Variants in UNC5C observed in about 807,000 individuals in gnomAD.
UNC5C encodes the protein netrin receptor UNC5C.
Under a neutral mutation model 99.8 loss-of-function variants are expected in UNC5C, and 47 were observed. The observed-to-expected ratio is 0.47, with a 90% confidence interval of 0.37 to 0.60. UNC5C has a LOEUF of 0.60. UNC5C is among the 20% of genes least tolerant of loss of function. The pLI, the probability that UNC5C is intolerant of heterozygous loss-of-function variation, is 0.00. For missense variants in UNC5C, 1,062 were observed against 1,165.9 expected (o/e 0.91, Z 1.30); for synonymous variants, 487 against 452.2 (o/e 1.08, Z -0.98).
At chr4:95,205,909 A>G (rs1737858441) in intron 11 of UNC5C, among the ~76,000 whole-genome samples, 1 of 152,094 alleles carries the variant, frequency 6.6e-6, no homozygotes, top group South Asian at 2.1e-4. Flanking sequence ...CAAGAACTGT[A>G]TCCCAGGTAC....
chr4:95,444,227 A>C (rs1747028563), intron 1 of UNC5C, among the ~76,000 whole-genome samples: 1 of 151,966 alleles, frequency 6.6e-6, no homozygotes, highest in Non-Finnish European at 1.5e-5. Context: ...TCCTTTATTC[A>C]CCATGGGGTC....
intron 1 of UNC5C, among the ~76,000 whole-genome samples, chr4:95,383,010 C>G (rs1745114697): frequency 6.6e-6 from 1 of 152,162 alleles, no homozygotes; most frequent in Non-Finnish European, 1.5e-5. Flanking sequence ...CCTACTGTTG[C>G]TTTCCCCAAA....
chr4:95,434,508 T>C (rs1317509306), intron 1 of UNC5C, among the ~76,000 whole-genome samples: 1 of 152,072 alleles, frequency 6.6e-6, no homozygotes, highest in Non-Finnish European at 1.5e-5. Flanking sequence ...GCCTCCAAGC[T>C]GAGGCTTGGA....
chr4:95,434,913 T>C (rs1015124252), intron 1 of UNC5C, among the ~76,000 whole-genome samples: 10 of 152,074 alleles, frequency 6.6e-5, no homozygotes, highest in African/African-American at 2.4e-4. Context: ...CAATATTTGT[T>C]AACTTCTCTC....
At position 95,239,621 on chromosome 4, in the gene UNC5C, T is replaced by C. The variant is rs187188268; in HGVS notation, c.1108+2808A>G. 2.8e-3 allele frequency among the ~76,000 whole-genome samples: 432 copies of C among 152,308 alleles called. 5 individuals are homozygous for C. Among genetic ancestry groups the C allele is most frequent in the Non-Finnish European group, 2.3e-3 (156 of 68,028 alleles). On this transcript the variant is annotated intron_variant, in intron 7 of 15. Coordinates refer to ENST00000453304, the MANE Select transcript of UNC5C (RefSeq NM_003728.4). The stretch of plus-strand genomic sequence containing the variant: ...GGAGTTGCAGCTTCATTTTTGGCAT[T>C]TGAGGATTTCTCTAATTTCTTTCTT...
chr4:95,418,657 C>T (rs1746235993), intron 1 of UNC5C, among the ~76,000 whole-genome samples: 1 of 152,058 alleles, frequency 6.6e-6, no homozygotes, highest in Admixed American at 6.6e-5. Context: ...TGACTCCTGA[C>T]CATCTATTTA....
At chr4:95,297,921 C>G (rs1456491266) in intron 3 of UNC5C, among the ~76,000 whole-genome samples, 23 of 152,212 alleles carry the variant, frequency 1.5e-4, no homozygotes, top group Admixed American at 1.5e-3. Context: ...ATTCTCAACA[C>G]AGCAGCCAGA....
intron 7 of UNC5C, among the ~76,000 whole-genome samples, chr4:95,240,292 T>A (rs1488862968): frequency 6.6e-6 from 1 of 152,174 alleles, no homozygotes; most frequent in African/African-American, 2.4e-5. Context: ...ACAATATTAT[T>A]TTTTTACAAG....
intron 1 of UNC5C, among the ~76,000 whole-genome samples, chr4:95,389,745 G>A (rs922732809): frequency 6.6e-6 from 1 of 151,838 alleles, no homozygotes; most frequent in Non-Finnish European, 1.5e-5. Context: ...CACATTTGAT[G>A]TGCTGTAAGT....
intron 1 of UNC5C, among the ~76,000 whole-genome samples, chr4:95,488,349 T>C (rs17024053): frequency 0.091 from 13,748 of 151,756 alleles, 1,631 homozygotes; most frequent in African/African-American, 0.27. Flanking sequence ...TTGATATAAA[T>C]GCAAAAGAAA....
intron 1 of UNC5C, among the ~76,000 whole-genome samples, chr4:95,387,029 A>G (rs1745230380): frequency 6.6e-6 from 1 of 152,120 alleles, no homozygotes; most frequent in South Asian, 2.1e-4. Context: ...CTGGAAGAAA[A>G]AATATCCATT....
intron 2 of UNC5C, among the ~76,000 whole-genome samples, chr4:95,308,184 G>A (rs1312342738): frequency 1.3e-5 from 2 of 152,102 alleles, no homozygotes; most frequent in Non-Finnish European, 2.9e-5. Flanking sequence ...TGCAGATGAT[G>A]TGCTGTTACA....
chr4:95,287,490 G>A (rs888715675), intron 3 of UNC5C, among the ~76,000 whole-genome samples: 2 of 152,176 alleles, frequency 1.3e-5, no homozygotes, highest in Non-Finnish European at 2.9e-5. Context: ...AGGTATAGCA[G>A]GAAACAGTTA....
chr4:95,263,145 C>T (rs1740308753), intron 4 of UNC5C, among the ~76,000 whole-genome samples: 1 of 152,124 alleles, frequency 6.6e-6, no homozygotes, highest in Non-Finnish European at 1.5e-5. Flanking sequence ...AGAGTTTGTT[C>T]TTACATTTTC....
At chr4:95,348,396 G>A (rs1334406490) in intron 1 of UNC5C, among the ~76,000 whole-genome samples, 1 of 151,470 alleles carries the variant, frequency 6.6e-6, no homozygotes, top group African/African-American at 2.4e-5. Flanking sequence ...ATGCAATCAA[G>A]CAATCCCACT....
At chr4:95,416,798 A>G (rs1330876395) in intron 1 of UNC5C, among the ~76,000 whole-genome samples, 1 of 152,194 alleles carries the variant, frequency 6.6e-6, no homozygotes, top group African/African-American at 2.4e-5. Flanking sequence ...GTCAGAATTT[A>G]ATAGCGTGTG....
Position 95,170,178 on chromosome 4 carries a change from A to T in UNC5C, c.2606T>A (p.Leu869Gln). 1 of 1,614,152 alleles carries T rather than the reference A, an allele frequency of 6.2e-7. No homozygotes were observed. Among genetic ancestry groups the T allele is most frequent in the Non-Finnish European group, 8.5e-7 (1 of 1,180,022 alleles). Residue 869 changes from leucine to glutamine, a missense_variant, in exon 15 of 16, where the codon CTG becomes CAG. By Grantham distance (113) the Leu-to-Gln change is moderately radical. This residue lies in a region of UNC5C where 810 missense variants were observed against 854.5 expected (regional missense o/e 0.95). Coordinates refer to ENST00000453304, the MANE Select transcript of UNC5C (RefSeq NM_003728.4). ...CCTGTCCAGGTTCAGCTTATGGGCC[A>T]GCATCCTCCAGTCATGGCCTCTCGT... ...PQTRGHDWRM[L>Q]AHKLNLDRYL...
intron 3 of UNC5C, among the ~76,000 whole-genome samples, chr4:95,293,707 A>G (rs1467542510): frequency 6.6e-6 from 1 of 152,084 alleles, no homozygotes; most frequent in East Asian, 1.9e-4. Context: ...CTTTGTACCC[A>G]GTGTACTGGT....
chr4:95,251,325 G>C (rs1453152612), intron 4 of UNC5C, among the ~76,000 whole-genome samples: 4 of 152,044 alleles, frequency 2.6e-5, no homozygotes, highest in Middle Eastern at 3.2e-3. Context: ...AATACAATCT[G>C]AATAGCTTAC....
Sources: gnomAD v4.1 joint callset for allele counts (sites outside exome capture counted in the v4.1 genomes callset) on GRCh38, gnomAD v4.1.1 for gene constraint, gnomAD v4.1.1 regional missense constraint, MANE v1.5 for transcripts, NCBI Gene and HGNC (gene_info 2026-07-23, HGNC 2026-07-21) for gene names.